The following FHIT variants were observed in gnomAD, a reference collection of about 807,000 sequenced individuals.
The protein encoded by FHIT is bis(5'-adenosyl)-triphosphatase.
A neutral mutation model predicts 17.9 loss-of-function variants in FHIT; 19 were observed. The observed-to-expected ratio is 1.06, with a 90% confidence interval of 0.74 to 1.56. The LOEUF (loss-of-function observed/expected upper bound fraction) is 1.56. Among genes scored for constraint, FHIT ranks in the 40% most tolerant of loss-of-function variants. FHIT has a pLI of 0.00. For synonymous variants in FHIT, 81 were observed against 69.7 expected (o/e 1.16, Z -0.81); for missense variants, 248 against 189.2 (o/e 1.31, Z -1.82).
At position 60,461,360 on chromosome 3, in the gene FHIT, C is replaced by T. The variant is rs570718598; in HGVS notation, c.103+75500G>A. ...CAAATCTGCCTCTTGGGATCTCTCT[C>T]CTTTTATAGAAAGAGACTCTCCAGC... On this transcript the variant is annotated intron_variant, in intron 5 of 9. Coordinates refer to ENST00000492590, the MANE Select transcript of FHIT (RefSeq NM_002012.4). Among the ~76,000 whole-genome samples, 5 of 152,272 alleles carry T rather than the reference C, an allele frequency of 3.3e-5. No homozygotes were observed. The South Asian group carries it at 1.0e-3, about 32-fold the overall frequency.
At chr3:60,363,088 A>T (rs1349354505) in intron 5 of FHIT, among the ~76,000 whole-genome samples, 3 of 152,202 alleles carry the variant, frequency 2.0e-5, no homozygotes, top group Non-Finnish European at 4.4e-5. Context: ...CCAGGGAAGA[A>T]AAAGGCAGTA....
At chr3:60,638,026 A>G (rs782163538) in intron 4 of FHIT, among the ~76,000 whole-genome samples, 41 of 152,338 alleles carry the variant, frequency 2.7e-4, no homozygotes, top group Non-Finnish European at 5.1e-4. Context: ...ACTTCAATAA[A>G]AACAATGAAA....
intron 8 of FHIT, among the ~76,000 whole-genome samples, chr3:59,799,315 C>T (rs1699902252): frequency 6.6e-6 from 1 of 152,076 alleles, no homozygotes. Context: ...AGATGTGGTG[C>T]CTGAGAAAGC....
chr3:60,286,501 T>C (rs1707736919), intron 5 of FHIT, among the ~76,000 whole-genome samples: 1 of 152,184 alleles, frequency 6.6e-6, no homozygotes, highest in African/African-American at 2.4e-5. Context: ...TCAATATTAG[T>C]GCTATCAGTT....
intron 4 of FHIT, among the ~76,000 whole-genome samples, chr3:60,709,701 C>A (rs1407974186): frequency 1.3e-5 from 2 of 152,062 alleles, no homozygotes; most frequent in African/African-American, 4.8e-5. Context: ...CATCATTGAC[C>A]TTTTATTAGA....
At chr3:60,137,795 A>G (rs10510829) in intron 5 of FHIT, among the ~76,000 whole-genome samples, 26,130 of 152,230 alleles carry the variant, frequency 0.17, 2,794 homozygotes, top group South Asian at 0.28. Flanking sequence ...TATCCACTCA[A>G]TAAGTATATG....
chr3:59,802,669 G>A (rs1432519633), intron 8 of FHIT, among the ~76,000 whole-genome samples: 13 of 152,100 alleles, frequency 8.5e-5, no homozygotes, highest in African/African-American at 2.7e-4. Flanking sequence ...CCTGCACCCA[G>A]GTGATTAAAA....
chr3:60,764,748 T>C lies in FHIT; in HGVS notation c.-18+57171A>G, dbSNP rs994966037. ...ATAGATATATTAATATGTGTTAATA[T>C]ACAACATATAATTACATATAATTAA... On this transcript the variant is annotated intron_variant, in intron 4 of 9. Transcript: ENST00000492590. 1.4e-3 allele frequency among the ~76,000 whole-genome samples: 204 copies of C among 151,010 alleles called. 1 individual carries two copies. Among genetic ancestry groups the C allele is most frequent in the African/African-American group, 4.6e-3 (191 of 41,296 alleles).
intron 3 of FHIT, among the ~76,000 whole-genome samples, chr3:60,853,675 C>T (rs782303595): frequency 3.3e-5 from 5 of 152,090 alleles, no homozygotes; most frequent in Non-Finnish European, 7.4e-5. Context: ...AGATAAAGTG[C>T]CAGCTGACTT....
intron 5 of FHIT, among the ~76,000 whole-genome samples, chr3:60,517,499 G>T (rs187973761): frequency 1.9e-4 from 29 of 152,234 alleles, no homozygotes; most frequent in Admixed American, 1.4e-3. Context: ...CTGACCCACT[G>T]ATATTACTAT....
intron 5 of FHIT, among the ~76,000 whole-genome samples, chr3:60,169,976 C>T (rs1449813180): frequency 6.6e-6 from 1 of 152,154 alleles, no homozygotes; most frequent in Non-Finnish European, 1.5e-5. Flanking sequence ...ATGGAATGGA[C>T]CTCTGCTGTT....
At position 59,912,220 on chromosome 3, in the gene FHIT, T is replaced by C. The variant is rs1233053503; in HGVS notation, c.348+10126A>G. ...TTGAGGTATCTCCAACTAATGAAAA[T>C]TTTGTTTCCAGCCTCTTTCAAGGAG... On this transcript the variant is annotated intron_variant, in intron 8 of 9. Transcript: ENST00000492590. Among the ~76,000 whole-genome samples, 3 of 152,150 alleles carry C rather than the reference T, an allele frequency of 2.0e-5. No individual in the cohort carries two copies. In the East Asian group the frequency reaches 5.8e-4, roughly 29 times the overall value.
intron 2 of FHIT, among the ~76,000 whole-genome samples, chr3:61,047,202 C>A (rs2033832416): frequency 6.6e-6 from 1 of 152,160 alleles, no homozygotes; most frequent in Non-Finnish European, 1.5e-5. Context: ...TTGCTGTTGG[C>A]AGATGACATG....
intron 5 of FHIT, among the ~76,000 whole-genome samples, chr3:60,178,079 T>C (rs1238589801): frequency 1.3e-5 from 2 of 152,144 alleles, no homozygotes; most frequent in African/African-American, 4.8e-5. Flanking sequence ...TGATTAGCTA[T>C]TATATAAAAC....
intron 4 of FHIT, among the ~76,000 whole-genome samples, chr3:60,570,262 C>G (rs1378797070): frequency 6.6e-6 from 1 of 152,088 alleles, no homozygotes; most frequent in African/African-American, 2.4e-5. Flanking sequence ...AACATAAGCA[C>G]AGAAGTGGTG....
intron 4 of FHIT, among the ~76,000 whole-genome samples, chr3:60,726,231 G>C (rs782389415): frequency 6.6e-6 from 1 of 152,084 alleles, no homozygotes; most frequent in Non-Finnish European, 1.5e-5. Context: ...TTTGATCGCT[G>C]AAAGGGTTTT....
chr3:60,113,633 T>G (rs1030722718), intron 5 of FHIT, among the ~76,000 whole-genome samples: 3 of 151,744 alleles, frequency 2.0e-5, no homozygotes, highest in Non-Finnish European at 4.4e-5. Context: ...TGAAAAGTGT[T>G]TTGGAGACGG....
intron 3 of FHIT, among the ~76,000 whole-genome samples, chr3:61,027,240 C>T (rs1412128330): frequency 1.3e-5 from 2 of 152,044 alleles, no homozygotes; most frequent in Non-Finnish European, 2.9e-5. Flanking sequence ...GCGCCTGCCA[C>T]CATACCTGGC....
chr3:60,207,124 G>C (rs148735578), intron 5 of FHIT, among the ~76,000 whole-genome samples: 56 of 152,024 alleles, frequency 3.7e-4, no homozygotes, highest in African/African-American at 1.3e-3. Flanking sequence ...ATCCAGCAAA[G>C]TGCTATTTCA....
Sources: gnomAD v4.1 joint callset for allele counts (sites outside exome capture counted in the v4.1 genomes callset) on GRCh38, gnomAD v4.1.1 for gene constraint, MANE v1.5 for transcripts, NCBI Gene and HGNC (gene_info 2026-07-23, HGNC 2026-07-21) for gene names.